Variants in NXPE4 observed in about 807,000 individuals in gnomAD.
The protein encoded by NXPE4 is neurexophilin and PC-esterase domain family member 4.
In NXPE4, 42 loss-of-function variants were observed where a neutral mutation model predicts 33.3. That is an observed-to-expected ratio of 1.26 (90% CI 0.98 to 1.63). The LOEUF is 1.63. Among genes scored for constraint, NXPE4 ranks in the 40% most tolerant of loss-of-function variants. NXPE4 has a pLI of 0.00. For synonymous variants in NXPE4, 253 were observed against 234.9 expected (o/e 1.08, Z -0.71); for missense variants, 709 against 647.6 (o/e 1.09, Z -1.03).
the NXPE4 span, among the ~76,000 whole-genome samples, chr11:114,629,659 A>T: frequency 6.6e-6 from 1 of 152,054 alleles, no homozygotes; most frequent in Admixed American, 6.6e-5. Context: ...GAGTGTTGGA[A>T]GTTCTGGCCA....
the NXPE4 span, among the ~76,000 whole-genome samples, chr11:114,601,614 TA>T: frequency 3.5e-3 from 4 of 1,152 alleles, no homozygotes; most frequent in Admixed American, 0.065. Context: ...TATATATAAT[TA>T]TATATTATAT....
chr11:114,610,498 TAA>T, the NXPE4 span, among the ~76,000 whole-genome samples: 8 of 152,020 alleles, frequency 5.3e-5, no homozygotes, highest in Admixed American at 2.6e-4. Context: ...CAGTGGATAA[TAA>T]GTGTTGCCTC....
intron 5 of NXPE4, among the ~76,000 whole-genome samples, chr11:114,574,556 A>G (rs1948956874): frequency 6.6e-6 from 1 of 152,112 alleles, no homozygotes; most frequent in Non-Finnish European, 1.5e-5. Flanking sequence ...AGATTATTCA[A>G]GGCTACTGTG....
At chr11:114,647,370 TATATA>T in the NXPE4 span, among the ~76,000 whole-genome samples, 2 of 152,146 alleles carry the variant, frequency 1.3e-5, no homozygotes, top group Non-Finnish European at 2.9e-5. Flanking sequence ...TAGAACAACT[TATATA>T]AGATAGAAGG....
At chr11:114,630,692 G>C in the NXPE4 span, among the ~76,000 whole-genome samples, 1 of 150,958 alleles carries the variant, frequency 6.6e-6, no homozygotes, top group Admixed American at 6.6e-5. Flanking sequence ...TTAAACTAAA[G>C]AGCTTCTGCA....
the NXPE4 span, among the ~76,000 whole-genome samples, chr11:114,646,505 T>C: frequency 6.6e-6 from 1 of 152,026 alleles, no homozygotes; most frequent in Non-Finnish European, 1.5e-5. Context: ...CTTAACTTTA[T>C]TAGAACAATG....
chr11:114,619,252 T>C, the NXPE4 span, among the ~76,000 whole-genome samples: 1 of 150,586 alleles, frequency 6.6e-6, no homozygotes, highest in Non-Finnish European at 1.5e-5. Flanking sequence ...GTAATGCCTC[T>C]TGAGTAATCA....
At chr11:114,641,265 A>C in the NXPE4 span, among the ~76,000 whole-genome samples, 1 of 152,002 alleles carries the variant, frequency 6.6e-6, no homozygotes, top group Non-Finnish European at 1.5e-5. Context: ...TAATAATATC[A>C]CTATCTATAT....
the NXPE4 span, among the ~76,000 whole-genome samples, chr11:114,628,787 T>A: frequency 1.9e-4 from 29 of 150,718 alleles, 1 homozygote; most frequent in Non-Finnish European, 2.5e-4. Context: ...AGACTAATAA[T>A]GAAAAAAAGA....
the NXPE4 span, among the ~76,000 whole-genome samples, chr11:114,610,657 G>A: frequency 3.8e-4 from 57 of 151,260 alleles, no homozygotes; most frequent in East Asian, 4.4e-3. Flanking sequence ...ACTGTTAACC[G>A]GTGGATAATA....
At chr11:114,623,655 C>T in the NXPE4 span, among the ~76,000 whole-genome samples, 1 of 151,954 alleles carries the variant, frequency 6.6e-6, no homozygotes, top group Non-Finnish European at 1.5e-5. Context: ...TTGTGTGTAA[C>T]CACTCTTACC....
the NXPE4 span, among the ~76,000 whole-genome samples, chr11:114,663,725 A>G: frequency 1.4e-5 from 2 of 138,634 alleles, no homozygotes; most frequent in African/African-American, 5.3e-5. Context: ...TGATCTACCT[A>G]CCTATCTATT....
At chr11:114,634,271 G>C in the NXPE4 span, among the ~76,000 whole-genome samples, 1 of 151,990 alleles carries the variant, frequency 6.6e-6, no homozygotes. Flanking sequence ...CTTTTGAGAA[G>C]TGTCTGTTCA....
the NXPE4 span, among the ~76,000 whole-genome samples, chr11:114,654,672 A>C: frequency 6.6e-6 from 1 of 152,226 alleles, no homozygotes; most frequent in Non-Finnish European, 1.5e-5. Flanking sequence ...ATGGATGCAT[A>C]GTATTCCATG....
upstream of NXPE4, among the ~76,000 whole-genome samples, chr11:114,598,860 C>T (rs898110961): frequency 6.6e-6 from 1 of 152,118 alleles, no homozygotes. Flanking sequence ...TCTCCACCTG[C>T]AGGCTTAACA....
At chr11:114,583,732 C>T (rs1949211724) in intron 2 of NXPE4, 2 of 526,264 alleles carry the variant, frequency 3.8e-6, no homozygotes, top group South Asian at 3.0e-5. Flanking sequence ...TCTGGGCCAC[C>T]TTGGAACTGC....
At chr11:114,639,831 T>TTATATTAAATATAAAATATAATA in the NXPE4 span, among the ~76,000 whole-genome samples, 11,448 of 107,808 alleles carry the variant, frequency 0.11, 1,099 homozygotes, top group East Asian at 0.32. Context: ...ATAATATATA[T>TTATATTAAATATAAAATATAATA]TATATTAAAT....
At chr11:114,607,343 T>C in the NXPE4 span, among the ~76,000 whole-genome samples, 2 of 152,006 alleles carry the variant, frequency 1.3e-5, no homozygotes, top group South Asian at 4.1e-4. Context: ...TACTAAGTAT[T>C]GCCTCGTGGG....
chr11:114,633,077 A>C, the NXPE4 span, among the ~76,000 whole-genome samples: 2 of 116,726 alleles, frequency 1.7e-5, no homozygotes, highest in African/African-American at 7.0e-5. Context: ...GTTTTTTATA[A>C]TTTATCTTTT....
Sources: allele counts gnomAD v4.1 joint callset (sites outside exome capture counted in the v4.1 genomes callset), GRCh38; gene constraint gnomAD v4.1.1; transcripts MANE v1.5; gene names NCBI Gene and HGNC (gene_info 2026-07-23, HGNC 2026-07-21).